Variants in CACNA2D3 observed in about 807,000 individuals in gnomAD.
CACNA2D3 encodes voltage-dependent calcium channel subunit alpha-2/delta-3.
In CACNA2D3, 60 loss-of-function variants were observed where a neutral mutation model predicts 160.6. The observed-to-expected ratio is 0.37, with a 90% CI of 0.30 to 0.46. The LOEUF (loss-of-function observed/expected upper bound fraction) is 0.46. Among genes scored for constraint, CACNA2D3 ranks in the 20% least tolerant of loss-of-function variants. CACNA2D3 has a pLI of 1.00. For missense variants in CACNA2D3, 1,205 were observed against 1,365.0 expected, an observed-to-expected ratio of 0.88 and a Z score of 1.85; for synonymous variants, 558 against 492.9, an observed-to-expected ratio of 1.13 and a Z score of -1.75.
Position 54,946,571 on chromosome 3 carries a change from G to A in CACNA2D3, c.2450-21879G>A, listed in dbSNP as rs550837185. Reference sequence around the variant, plus strand: ...CTTCCAGTGGAAAGTTTGACTTAACGAAGAAGAGCAGGTTACTTTCACCAA... The same window carrying A: ...CTTCCAGTGGAAAGTTTGACTTAACAAAGAAGAGCAGGTTACTTTCACCAA... On this transcript the variant is annotated intron_variant, in intron 27 of 37. Coordinates refer to ENST00000474759, the MANE Select transcript of CACNA2D3 (RefSeq NM_018398.3). Among the ~76,000 whole-genome samples the A allele has an allele frequency of 5.3e-5, 8 of 152,270 alleles. No homozygotes were observed. The South Asian group carries it at 1.5e-3, about 28-fold the overall frequency.
chr3:54,907,337 C>T (rs907171711), intron 27 of CACNA2D3, among the ~76,000 whole-genome samples: 2 of 152,090 alleles, frequency 1.3e-5, no homozygotes, highest in Non-Finnish European at 2.9e-5. Context: ...CTCTAACAGC[C>T]TCATTTTTAA....
At chr3:54,682,078 C>A (rs536634060) in intron 11 of CACNA2D3, among the ~76,000 whole-genome samples, 1 of 151,790 alleles carries the variant, frequency 6.6e-6, no homozygotes, top group Non-Finnish European at 1.5e-5. Context: ...GAATTTGAAT[C>A]ATGTGTGCGT....
intron 11 of CACNA2D3, among the ~76,000 whole-genome samples, chr3:54,657,513 C>G (rs1699895810): frequency 6.6e-6 from 1 of 152,142 alleles, no homozygotes; most frequent in Non-Finnish European, 1.5e-5. Context: ...TATACACATT[C>G]AACAACAGCT....
intron 11 of CACNA2D3, among the ~76,000 whole-genome samples, chr3:54,720,225 T>A (rs142091034): frequency 1.4e-3 from 206 of 152,162 alleles, no homozygotes; most frequent in African/African-American, 4.8e-3. Flanking sequence ...ATTATTGGTT[T>A]CCAGCCTTAC....
At position 54,927,890 on chromosome 3, in the gene CACNA2D3, T is replaced by C. The variant is rs1701070818; in HGVS notation, c.2449+28022T>C. The C allele has an allele frequency of 4.3e-6, 7 of 1,613,560 alleles. No homozygotes were observed. The South Asian group carries it at 6.6e-5, about 15-fold the overall frequency. ...CAGACAAGAACTTTTCCAACGGGAA[T>C]TGATCAGGGCTCACCTTTCATGACT... On this transcript the variant is annotated intron_variant, in intron 27 of 37. Coordinates refer to ENST00000474759, the MANE Select transcript of CACNA2D3 (RefSeq NM_018398.3).
At chr3:54,711,532 C>T (rs1350084463) in intron 11 of CACNA2D3, among the ~76,000 whole-genome samples, 1 of 152,114 alleles carries the variant, frequency 6.6e-6, no homozygotes, top group African/African-American at 2.4e-5. Context: ...TCTTCCCTAC[C>T]CCCACACAGG....
At chr3:54,243,915 C>T (rs1267920396) in intron 2 of CACNA2D3, among the ~76,000 whole-genome samples, 1 of 152,190 alleles carries the variant, frequency 6.6e-6, no homozygotes, top group East Asian at 1.9e-4. Context: ...CATCTGCAGA[C>T]CCTTTCTGAA....
intron 5 of CACNA2D3, among the ~76,000 whole-genome samples, chr3:54,516,785 C>G (rs1285008025): frequency 2.0e-5 from 3 of 152,138 alleles, no homozygotes; most frequent in East Asian, 3.9e-4. Context: ...CTTTCAGAGA[C>G]TTTTCTGGGG....
intron 35 of CACNA2D3, among the ~76,000 whole-genome samples, chr3:55,038,924 T>A (rs1703896268): frequency 7.0e-6 from 1 of 143,394 alleles, no homozygotes; most frequent in Non-Finnish European, 1.5e-5. Flanking sequence ...ACTGAATATA[T>A]AAATATTAAC....
chr3:54,475,151 C>G (rs1393374032), intron 4 of CACNA2D3, among the ~76,000 whole-genome samples: 1 of 152,130 alleles, frequency 6.6e-6, no homozygotes, highest in Admixed American at 6.6e-5. Flanking sequence ...GAGCCTGAGA[C>G]CTGAGACTAA....
At chr3:54,135,184 G>GT (rs1699793165) in intron 2 of CACNA2D3, among the ~76,000 whole-genome samples, 1 of 152,126 alleles carries the variant, frequency 6.6e-6, no homozygotes, top group Admixed American at 6.5e-5. Context: ...TGCTTCTTTA[G>GT]TTTGTTTATT....
chr3:54,355,991 A>G (rs1375518), intron 3 of CACNA2D3, among the ~76,000 whole-genome samples: 6,485 of 151,882 alleles, frequency 0.043, 438 homozygotes, highest in African/African-American at 0.14. Context: ...GGTCAGTAGG[A>G]TATTTGGAGG....
At chr3:54,569,041 G>T (rs1186581013) in intron 6 of CACNA2D3, among the ~76,000 whole-genome samples, 1 of 152,174 alleles carries the variant, frequency 6.6e-6, no homozygotes, top group Non-Finnish European at 1.5e-5. Context: ...AGAACTGATG[G>T]TTGAAAACAG....
At chr3:54,213,992 G>T (rs1238836458) in intron 2 of CACNA2D3, among the ~76,000 whole-genome samples, 2 of 152,114 alleles carry the variant, frequency 1.3e-5, no homozygotes, top group Non-Finnish European at 2.9e-5. Context: ...CTGTAGTGGG[G>T]ATGCCCTGAA....
intron 12 of CACNA2D3, among the ~76,000 whole-genome samples, chr3:54,753,746 C>T: frequency 6.6e-6 from 1 of 152,112 alleles, no homozygotes; most frequent in East Asian, 1.9e-4. Flanking sequence ...AATTTTTTAA[C>T]TATCAAATAA....
At chr3:54,601,104 A>G (rs987243043) in intron 9 of CACNA2D3, among the ~76,000 whole-genome samples, 7 of 152,122 alleles carry the variant, frequency 4.6e-5, no homozygotes, top group Admixed American at 1.3e-4. Flanking sequence ...TTGACTGTGC[A>G]TTTTGACTTA....
chr3:54,344,758 A>G lies in CACNA2D3; in HGVS notation c.321+24200A>G, dbSNP rs535586257. Among the ~76,000 whole-genome samples the G allele has an allele frequency of 1.1e-4, 17 of 152,302 alleles. No individual in the cohort carries two copies. The East Asian group carries it at 1.4e-3, about 12-fold the overall frequency. ...AGAGGTGTGTGAACCAGAGCACTCCATCTTAATTAGGAGCTGGGTAAAATA... is the reference window on the plus strand; with the variant it reads ...AGAGGTGTGTGAACCAGAGCACTCCGTCTTAATTAGGAGCTGGGTAAAATA... On this transcript the variant is annotated intron_variant, in intron 3 of 37. Coordinates refer to ENST00000474759, the MANE Select transcript of CACNA2D3 (RefSeq NM_018398.3).
intron 14 of CACNA2D3, 44 bp downstream of exon 14, chr3:54,816,914 G>A (rs371604526): frequency 4.1e-5 from 66 of 1,605,878 alleles, no homozygotes; most frequent in East Asian, 3.1e-4. Flanking sequence ...CAGAACTCAC[G>A]AGTCATGCAT....
chr3:54,232,563 T>C (rs1371718007), intron 2 of CACNA2D3, among the ~76,000 whole-genome samples: 2 of 152,192 alleles, frequency 1.3e-5, no homozygotes, highest in Non-Finnish European at 2.9e-5. Context: ...TTCCTTGTTT[T>C]GGTTGAAAGA....
Sources: allele counts gnomAD v4.1 joint callset (sites outside exome capture counted in the v4.1 genomes callset), GRCh38; gene constraint gnomAD v4.1.1; transcripts MANE v1.5; gene names NCBI Gene and HGNC (gene_info 2026-07-23, HGNC 2026-07-21).